Variants in SEL1L observed in about 807,000 individuals in gnomAD.
SEL1L encodes protein sel-1 homolog 1.
SEL1L carries 52 observed loss-of-function variants against 109.8 expected under a neutral mutation model. The ratio of observed to expected loss-of-function variants is 0.47; its 90% confidence interval spans 0.38 to 0.60. The LOEUF (loss-of-function observed/expected upper bound fraction) is 0.60. Among genes scored for constraint, SEL1L ranks in the 20% least tolerant of loss-of-function variants. The pLI is 0.00. For synonymous variants in SEL1L, 373 were observed against 339.6 expected, an observed-to-expected ratio of 1.10 and a Z score of -1.08; for missense variants, 749 against 962.2, an observed-to-expected ratio of 0.78 and a Z score of 2.93.
chr14:81,483,929 C>T (rs1180171195), intron 19 of SEL1L, among the ~76,000 whole-genome samples: 5 of 152,130 alleles, frequency 3.3e-5, no homozygotes, highest in African/African-American at 4.8e-5. Context: ...ATTTGGCTGA[C>T]GATGGACAGA....
intron 12 of SEL1L, among the ~76,000 whole-genome samples, chr14:81,492,057 C>G (rs1246250897): frequency 6.6e-6 from 1 of 151,748 alleles, no homozygotes; most frequent in Non-Finnish European, 1.5e-5. Flanking sequence ...GAGTCTTGCT[C>G]TGTCGCCCAG....
At position 81,504,278 on chromosome 14, in the gene SEL1L, C is replaced by A; in HGVS notation, c.537G>T (p.Gln179His). ...ETEEEAAKRR[Q>H]MQEAEMMYQT... ...GATACATCATTTCTGCTTCCTGCAT[C>A]TGCCGTCTCTTAGCAGCCTCTTCTT... is the stretch of plus-strand genomic sequence containing the variant. Residue 179 changes from glutamine to histidine, a missense_variant, in exon 5 of 21, where the codon CAG (glutamine) becomes CAT (histidine). By Grantham distance (24) the Gln-to-His change is conservative. This residue lies in a region of SEL1L where 366 missense variants were observed against 399.8 expected (regional missense o/e 0.92). Coordinates refer to ENST00000336735, the MANE Select transcript of SEL1L (RefSeq NM_005065.6). 6.3e-7 allele frequency: 1 copy of A among 1,599,480 alleles called. No individual in the cohort carries two copies. The highest frequency in any genetic ancestry group is 8.5e-7 in the Non-Finnish European group (1 of 1,173,326).
chr14:81,502,753 G>A lies in SEL1L; in HGVS notation c.745C>T (p.Leu249=), dbSNP rs745933843. The A allele has an allele frequency of 6.2e-7, 1 of 1,614,052 alleles. No individual in the cohort carries two copies. Among genetic ancestry groups the A allele is most frequent in the Non-Finnish European group, 8.5e-7 (1 of 1,179,966 alleles). ...IQAAREMFEK[L]TEEGSPKGQT... is the part of the protein sequence containing the mutation. ...CCCTTGGGAGAGCCTTCCTCAGTCA[G>A]CTTCTCAAACATCTCTCTCGCTGCC... The change falls in exon 6 of 21, where the codon CTG becomes TTG. Residue 249 remains leucine, a synonymous_variant. Transcript: ENST00000336735.
intron 1 of SEL1L, 55 bp from the exon 2 acceptor site, chr14:81,527,793 T>A: frequency 1.7e-6 from 2 of 1,203,774 alleles, no homozygotes; most frequent in Non-Finnish European, 2.4e-6. Flanking sequence ...AAATTAGTTA[T>A]TATTAAAAGA....
At chr14:81,506,002 A>C in intron 4 of SEL1L, 72 bp downstream of exon 4, 4 of 1,412,184 alleles carry the variant, frequency 2.8e-6, no homozygotes, top group Non-Finnish European at 3.9e-6. Flanking sequence ...AAGGATGGCT[A>C]GAAAAAGGCC....
At chr14:81,519,169 T>G (rs1029565711) in intron 3 of SEL1L, among the ~76,000 whole-genome samples, 5 of 152,228 alleles carry the variant, frequency 3.3e-5, no homozygotes, top group African/African-American at 4.8e-5. Flanking sequence ...ACATTTCACA[T>G]GTGTTATCTT....
At chr14:81,515,761 A>G (rs1025400366) in intron 3 of SEL1L, among the ~76,000 whole-genome samples, 1 of 152,208 alleles carries the variant, frequency 6.6e-6, no homozygotes, top group Non-Finnish European at 1.5e-5. Flanking sequence ...TTATTACCCA[A>G]TCAGCCGCAG....
At chr14:81,505,326 G>GT (rs1384502634) in intron 4 of SEL1L, among the ~76,000 whole-genome samples, 3 of 152,152 alleles carry the variant, frequency 2.0e-5, no homozygotes, top group Non-Finnish European at 4.4e-5. Context: ...TTTTGCTACT[G>GT]TAAGAACTCA....
chr14:81,483,684 T>C (rs1447674298), intron 19 of SEL1L, among the ~76,000 whole-genome samples: 1 of 152,232 alleles, frequency 6.6e-6, no homozygotes, highest in Non-Finnish European at 1.5e-5. Context: ...AAAATGTTAA[T>C]GCTTAAAATA....
intron 3 of SEL1L, among the ~76,000 whole-genome samples, chr14:81,513,519 T>C (rs1024527787): frequency 6.6e-6 from 1 of 152,120 alleles, no homozygotes; most frequent in Non-Finnish European, 1.5e-5. Context: ...ATTCTTGAAG[T>C]CAGCGAGACC....
At chr14:81,527,885 C>T (rs576702874) in intron 1 of SEL1L, 147 bp from the exon 2 acceptor site, 16 of 530,290 alleles carry the variant, frequency 3.0e-5, no homozygotes, top group Non-Finnish European at 5.1e-5. Context: ...CTATATTCAG[C>T]AATTGTTCAG....
chr14:81,487,538 T>A lies in SEL1L; in HGVS notation c.1484A>T (p.Asn495Ile). ...GQLQLGSMYY[N>I]GIGVKRDYKQ... Reference sequence around the variant, plus strand: ...ATAATCTCTCTTGACTCCAATGCCATCTGTAAGAAAAAAAAAAATCACACG... The same window carrying A: ...ATAATCTCTCTTGACTCCAATGCCAACTGTAAGAAAAAAAAAAATCACACG... Residue 495 changes from asparagine (N) to isoleucine (I), a missense_variant and splice_region_variant, in exon 16 of 21, where the codon AAT becomes ATT. By Grantham distance (149) the Asn-to-Ile change is moderately radical (BLOSUM62 -3). This residue lies in a region of SEL1L where 383 missense variants were observed against 562.5 expected (regional missense o/e 0.68). Coordinates refer to ENST00000336735, the MANE Select transcript of SEL1L (RefSeq NM_005065.6). 1 of 1,591,926 alleles carries A rather than the reference T, an allele frequency of 6.3e-7. No individual in the cohort carries two copies. The highest frequency in any genetic ancestry group is 8.5e-7 in the Non-Finnish European group (1 of 1,175,304).
chr14:81,508,061 T>C (rs1044089884), intron 3 of SEL1L, among the ~76,000 whole-genome samples: 6 of 152,164 alleles, frequency 3.9e-5, no homozygotes, highest in Non-Finnish European at 8.8e-5. Flanking sequence ...TGCCTATCAC[T>C]TTAGGTAATA....
rs1181078135 is a variant in SEL1L at position 81,474,768 on chromosome 14, T to C, written c.*2204A>G. 6.6e-6 allele frequency: 1 copy of C among 152,096 alleles called. No individual in the cohort carries two copies. Among genetic ancestry groups the C allele is most frequent in the Non-Finnish European group, 1.5e-5 (1 of 68,014 alleles). The allele number at this position is 152,096 out of a possible 1,614,324, so 9.4% of individuals were successfully genotyped here. A position where few individuals can be genotyped will look rare whatever the true frequency, so the allele number is the denominator to read the frequency against. On this transcript the variant is annotated 3_prime_UTR_variant, in exon 21 of 21. Transcript: ENST00000336735. ...GCAAGTGACCCAGGGTAAAATGAAG[T>C]AGAAACAAGCCAAGAAAAGGAAATT...
chr14:81,497,386 T>C (rs372634468), intron 10 of SEL1L, among the ~76,000 whole-genome samples: 401 of 152,374 alleles, frequency 2.6e-3, no homozygotes, highest in African/African-American at 3.7e-3. Flanking sequence ...ACATGGTACT[T>C]TGACGGACAT....
At chr14:81,489,065 A>G in intron 14 of SEL1L, 187 bp downstream of exon 14, 1 of 640,996 alleles carries the variant, frequency 1.6e-6, no homozygotes, top group Non-Finnish European at 2.8e-6. Context: ...AGCTGTTCTA[A>G]GACAGTTGAG....
chr14:81,479,729 A>G lies in SEL1L; in HGVS notation c.2058T>C (p.Leu686=). 1 of 1,612,990 alleles carries G rather than the reference A, an allele frequency of 6.2e-7. No individual in the cohort carries two copies. Among genetic ancestry groups the G allele is most frequent in the Non-Finnish European group, 8.5e-7 (1 of 1,179,642 alleles). ...CTGCCATGTCATAAAAACGTTTCGC[A>G]AGGTGAATATCCTATAATACAGGTA... ...KGLGIKQDIH[L]AKRFYDMAAE... Residue 686 remains leucine, a synonymous_variant, in exon 20 of 21, where the codon CTT becomes CTC. Coordinates refer to ENST00000336735, the MANE Select transcript of SEL1L (RefSeq NM_005065.6).
rs1384273058 is a variant in SEL1L at position 81,476,850 on chromosome 14, G to C, written c.*122C>G. 2 of 895,696 alleles carry C rather than the reference G, an allele frequency of 2.2e-6. No individual in the cohort carries two copies. Among genetic ancestry groups the C allele is most frequent in the African/African-American group, 3.4e-5 (2 of 59,682 alleles). The allele number at this position is 895,696 out of a possible 1,614,324, so 55.5% of individuals were successfully genotyped here. On this transcript the variant is annotated 3_prime_UTR_variant, in exon 21 of 21. Coordinates refer to ENST00000336735, the MANE Select transcript of SEL1L (RefSeq NM_005065.6). ...TTCTAAGCAGCTTTAGGAATTCAAT[G>C]CTTCCTTGTGCCGTGCCTCTTCTGG... is the stretch of plus-strand genomic sequence containing the variant.
At chr14:81,486,587 C>A in intron 16 of SEL1L, 133 bp from the exon 17 acceptor site, 2 of 757,854 alleles carry the variant, frequency 2.6e-6, no homozygotes, top group Non-Finnish European at 2.0e-6. Flanking sequence ...CTTGAACAGA[C>A]ATAAAAGTTT....
Sources: allele counts gnomAD v4.1 joint callset (sites outside exome capture counted in the v4.1 genomes callset), GRCh38; gene constraint gnomAD v4.1.1; regional missense constraint gnomAD v4.1.1; transcripts MANE v1.5; gene names NCBI Gene and HGNC (gene_info 2026-07-23, HGNC 2026-07-21).